MAP2: variants seen among roughly 807,000 people sequenced by gnomAD.
The protein encoded by MAP2 is microtubule-associated protein 2.
Under a neutral mutation model 137.6 loss-of-function variants are expected in MAP2, and 14 were observed. That is an observed-to-expected ratio of 0.10 (90% CI 0.07 to 0.16). MAP2 has a LOEUF of 0.16. MAP2 is among the 10% of genes least tolerant of loss of function. The probability of loss-of-function intolerance (pLI) is 1.00; values close to 1 mark genes in which losing one functional copy is unlikely to be tolerated. For missense variants in MAP2, 2,088 were observed against 2,191.5 expected (o/e 0.95, Z 0.94); for synonymous variants, 786 against 782.3 (o/e 1.00, Z -0.08).
chr2:209,670,861 GC>G (rs1052076495), intron 5 of MAP2, among the ~76,000 whole-genome samples: 14 of 151,748 alleles, frequency 9.2e-5, no homozygotes, highest in African/African-American at 2.9e-4. Context: ...GAACAAGAGT[GC>G]CCCCCTTTAA....
rs199628162 is a variant in MAP2 at position 209,710,247 on chromosome 2, G to T, written c.5066G>T (p.Gly1689Val). 3.8e-6 allele frequency: 6 copies of T among 1,570,290 alleles called. No homozygotes were observed. Among genetic ancestry groups the T allele is most frequent in the African/African-American group, 2.7e-5 (2 of 73,758 alleles). Reference sequence around the variant, plus strand: ...GACAACATCAAATACCAGCCTAAAGGGGGGCAGGTAAGAATTGCATGAACA... The same window carrying T: ...GACAACATCAAATACCAGCCTAAAGTGGGGCAGGTAAGAATTGCATGAACA... ...STDNIKYQPK[G>V]GQVQIVTKKI... The change falls in exon 13 of 16, where the codon GGG (glycine) becomes GTG (valine). Residue 1689 changes from glycine to valine, a missense_variant. By Grantham distance (109) the Gly-to-Val change is moderately radical. Transcript: ENST00000682079.
chr2:209,617,352 G>A (rs1443195525), intron 3 of MAP2, among the ~76,000 whole-genome samples: 1 of 152,158 alleles, frequency 6.6e-6, no homozygotes, highest in Non-Finnish European at 1.5e-5. Flanking sequence ...ATCAAGTGTA[G>A]GTTGATTCTT....
chr2:209,623,794 A>T (rs996815938), intron 3 of MAP2, among the ~76,000 whole-genome samples: 2 of 152,166 alleles, frequency 1.3e-5, no homozygotes, highest in African/African-American at 4.8e-5. Flanking sequence ...GGACGGTCAG[A>T]CCTTTCTTTT....
rs116808357 is a variant in MAP2, at chr2:209,720,251, A to G, written c.5074-5458A>G. On this transcript the variant is annotated intron_variant, in intron 13 of 15. Transcript: ENST00000682079. Reference sequence around the variant, plus strand: ...GAAGATGATCTGGTTGATTAATATAATATTTTTCACTTCTACTATGAATTA... The same window carrying G: ...GAAGATGATCTGGTTGATTAATATAGTATTTTTCACTTCTACTATGAATTA... 7.5e-3 allele frequency among the ~76,000 whole-genome samples: 1,139 copies of G among 152,258 alleles called. 17 individuals are homozygous for G. Among genetic ancestry groups the G allele is most frequent in the African/African-American group, 0.025 (1,059 of 41,546 alleles).
chr2:209,545,915 C>G (rs958146125), intron 2 of MAP2, among the ~76,000 whole-genome samples: 1 of 151,982 alleles, frequency 6.6e-6, no homozygotes, highest in Non-Finnish European at 1.5e-5. Flanking sequence ...CCGAGGCGGG[C>G]GGATCATGAG....
intron 14 of MAP2, among the ~76,000 whole-genome samples, chr2:209,726,622 G>A (rs945669484): frequency 5.3e-5 from 8 of 152,106 alleles, no homozygotes; most frequent in Non-Finnish European, 1.2e-4. Context: ...AAAATAAGCC[G>A]ATATGGTGGT....
At chr2:209,506,343 A>T (rs768468303) in intron 1 of MAP2, among the ~76,000 whole-genome samples, 4 of 152,180 alleles carry the variant, frequency 2.6e-5, no homozygotes, top group Non-Finnish European at 2.9e-5. Context: ...CTTATTTTAT[A>T]CTGTTCTTTT....
intron 3 of MAP2, among the ~76,000 whole-genome samples, chr2:209,614,452 G>A (rs1250783145): frequency 2.0e-5 from 3 of 151,934 alleles, no homozygotes; most frequent in Non-Finnish European, 4.4e-5. Context: ...GAATCTTAAT[G>A]ATATATCATC....
chr2:209,717,354 G>A (rs897476212), intron 13 of MAP2, among the ~76,000 whole-genome samples: 4 of 152,048 alleles, frequency 2.6e-5, no homozygotes, highest in Non-Finnish European at 2.9e-5. Flanking sequence ...AGAACTCACC[G>A]TCTTGAGAAC....
intron 5 of MAP2, among the ~76,000 whole-genome samples, chr2:209,676,719 TCA>T (rs2051722792): frequency 1.6e-5 from 1 of 61,678 alleles, no homozygotes; most frequent in Non-Finnish European, 2.9e-5. Context: ...GACACAAAGG[TCA>T]TATATATATA....
At chr2:209,610,459 C>G (rs1483998986) in intron 3 of MAP2, among the ~76,000 whole-genome samples, 1 of 148,362 alleles carries the variant, frequency 6.7e-6, no homozygotes, top group Admixed American at 6.7e-5. Context: ...TTTTTTTTTT[C>G]TCCCAGGGCT....
rs370545736 is a variant in MAP2 at position 209,653,352 on chromosome 2, A to T, written c.182A>T (p.His61Leu). ...GATGAAGAGGGTGCCTTTGGAGAGC[A>T]TGGGTCACAGGGCACCTATTCAAAT... is the stretch of plus-strand genomic sequence containing the variant. The part of the protein sequence containing the change: ...REDEEGAFGE[H>L]GSQGTYSNTK... Residue 61 changes from histidine (H) to leucine (L), a missense_variant, in exon 5 of 16, where the codon CAT becomes CTT. Around this residue, in one of 6 missense-constraint regions of MAP2, gnomAD observed 859 missense variants for 794.5 expected, o/e 1.08. Coordinates refer to ENST00000682079, the MANE Select transcript of MAP2 (RefSeq NM_001375505.1). 6.8e-6 allele frequency: 11 copies of T among 1,614,022 alleles called. No homozygotes were observed. The Admixed American group carries it at 1.8e-4, about 27-fold the overall frequency.
intron 6 of MAP2, among the ~76,000 whole-genome samples, chr2:209,679,556 C>T (rs921733461): frequency 3.3e-5 from 5 of 151,968 alleles, no homozygotes; most frequent in African/African-American, 1.2e-4. Flanking sequence ...ATATCCATTT[C>T]CCTCTCTTAC....
chr2:209,674,617 AGATAGATGGATGGATG>A (rs1391017069), intron 5 of MAP2, among the ~76,000 whole-genome samples: 1 of 148,958 alleles, frequency 6.7e-6, no homozygotes, highest in Non-Finnish European at 1.5e-5. Flanking sequence ...CTAAATATAT[AGATAGATGGATGGATG>A]GATGGATGGA....
chr2:209,604,124 G>C (rs1446786804), intron 3 of MAP2, among the ~76,000 whole-genome samples: 1 of 152,136 alleles, frequency 6.6e-6, no homozygotes, highest in Non-Finnish European at 1.5e-5. Context: ...CAGTAAGAAG[G>C]ATTGGTGCCA....
chr2:209,653,435 A>G lies in MAP2; in HGVS notation c.262+3A>G. 6.3e-7 allele frequency: 1 copy of G among 1,590,196 alleles called. No homozygotes were observed. The highest frequency in any genetic ancestry group is 2.2e-5 in the East Asian group (1 of 44,660). ...CTCAGCTGACAGAGAAACAGCAGGTAACTAAGGGCTCTACTGTCACCAAGT... is the reference window on the plus strand; with the variant it reads ...CTCAGCTGACAGAGAAACAGCAGGTGACTAAGGGCTCTACTGTCACCAAGT... On this transcript the variant is annotated splice_donor_region_variant and intron_variant, in intron 5 of 15. Transcript: ENST00000682079.
intron 2 of MAP2, among the ~76,000 whole-genome samples, chr2:209,519,424 C>T (rs2062965397): frequency 6.6e-6 from 1 of 152,024 alleles, no homozygotes; most frequent in Non-Finnish European, 1.5e-5. Flanking sequence ...AGTTTTGCAA[C>T]TTGGAGCAAG....
chr2:209,602,961 A>T (rs1365017758), intron 3 of MAP2, among the ~76,000 whole-genome samples: 1 of 152,196 alleles, frequency 6.6e-6, no homozygotes, highest in Admixed American at 6.6e-5. Context: ...AATGACTCTC[A>T]GGCAGGCATC....
intron 7 of MAP2, among the ~76,000 whole-genome samples, chr2:209,690,361 G>A (rs891583100): frequency 6.6e-6 from 1 of 152,018 alleles, no homozygotes; most frequent in Admixed American, 6.6e-5. Flanking sequence ...AAAATAAATT[G>A]CCTTTTAATG....
Sources: allele counts gnomAD v4.1 joint callset (sites outside exome capture counted in the v4.1 genomes callset), GRCh38; gene constraint gnomAD v4.1.1; regional missense constraint gnomAD v4.1.1; transcripts MANE v1.5; gene names NCBI Gene and HGNC (gene_info 2026-07-23, HGNC 2026-07-21).